LRRC18: variants seen among roughly 807,000 people sequenced by gnomAD.
LRRC18 encodes the protein leucine rich repeat containing 18.
LRRC18 carries 12 observed loss-of-function variants against 11.2 expected under a neutral mutation model. That is an observed-to-expected ratio of 1.07 (90% CI 0.69 to 1.74). The LOEUF (loss-of-function observed/expected upper bound fraction) is 1.74. Among genes scored for constraint, LRRC18 ranks in the 40% most tolerant of loss-of-function variants. LRRC18 has a pLI of 0.00. For synonymous variants in LRRC18, 155 were observed against 130.6 expected, an observed-to-expected ratio of 1.19 and a Z score of -1.27; for missense variants, 374 against 330.5, an observed-to-expected ratio of 1.13 and a Z score of -1.02.
the LRRC18 span, among the ~76,000 whole-genome samples, chr10:48,928,157 C>T: frequency 5.3e-4 from 81 of 152,288 alleles, 2 homozygotes; most frequent in African/African-American, 1.9e-3. Flanking sequence ...CTCAGAGAAG[C>T]GGCTTGGCAG....
upstream of LRRC18, among the ~76,000 whole-genome samples, chr10:48,918,379 A>G (rs1050946733): frequency 1.3e-5 from 2 of 152,192 alleles, no homozygotes; most frequent in Admixed American, 1.3e-4. Flanking sequence ...AACTAAAAGA[A>G]TGTAAAAAGA....
chr10:48,912,047 A>G (rs1838051707), intron 1 of LRRC18, among the ~76,000 whole-genome samples: 1 of 152,196 alleles, frequency 6.6e-6, no homozygotes, highest in African/African-American at 2.4e-5. Context: ...AACATAGGAA[A>G]GTCCTGGGGG....
chr10:48,922,736 C>T, the LRRC18 span, among the ~76,000 whole-genome samples: 78,453 of 151,982 alleles, frequency 0.52, 23,636 homozygotes, highest in East Asian at 1. Flanking sequence ...CGGATACATG[C>T]GACAACTTGG....
upstream of LRRC18, among the ~76,000 whole-genome samples, chr10:48,916,766 T>A (rs1305305403): frequency 6.6e-6 from 1 of 152,166 alleles, no homozygotes; most frequent in African/African-American, 2.4e-5. Context: ...CAGAGGTGAT[T>A]TCTTCATTGT....
upstream of LRRC18, among the ~76,000 whole-genome samples, chr10:48,915,207 G>A (rs557623150): frequency 1.7e-4 from 26 of 152,266 alleles, no homozygotes; most frequent in South Asian, 3.1e-3. Flanking sequence ...CTGGTACATA[G>A]TAATAGCTTG....
the LRRC18 span, among the ~76,000 whole-genome samples, chr10:48,925,439 G>C: frequency 6.6e-6 from 1 of 152,202 alleles, no homozygotes; most frequent in Non-Finnish European, 1.5e-5. Context: ...GGCATAGCTT[G>C]GAGAATTACC....
the LRRC18 span, among the ~76,000 whole-genome samples, chr10:48,930,728 T>A: frequency 1.3e-5 from 2 of 151,996 alleles, no homozygotes; most frequent in Admixed American, 6.6e-5. Flanking sequence ...TAACAATAGA[T>A]GAGTGATTAA....
Position 48,910,229 on chromosome 10 carries a change from C to T in LRRC18, c.*8G>A, listed in dbSNP as rs772643937. On this transcript the variant is annotated 3_prime_UTR_variant, in exon 2 of 2. Transcript: ENST00000374160. ...CTGAGTAGTCTTCAAGATTTTGCCA[C>T]AGCTACTCTAGGAAGATGTCAAGCG... 3 of 1,605,456 alleles carry T rather than the reference C, an allele frequency of 1.9e-6. No individual in the cohort carries two copies. In the South Asian group the frequency reaches 3.3e-5, roughly 18 times the overall value.
At chr10:48,929,548 G>A in the LRRC18 span, among the ~76,000 whole-genome samples, 1 of 152,146 alleles carries the variant, frequency 6.6e-6, no homozygotes. Context: ...CCTCTTCTCT[G>A]CCTATACTTA....
rs757698773 is a variant in LRRC18, at chr10:48,913,608, C to T, written c.548G>A (p.Gly183Asp). The T allele has an allele frequency of 3.7e-6, 6 of 1,613,998 alleles. 1 individual carries two copies. Among genetic ancestry groups the T allele is most frequent in the South Asian group, 3.3e-5 (3 of 91,082 alleles). ...GGAGTCTATGAATATTTCCGACTCA[C>T]CTGGCTTTGGAAAGGGGTTCCGCTT... Residue 183 changes from glycine (G) to aspartate (D), a missense_variant, in exon 1 of 2, where the codon GGT becomes GAT. Transcript: ENST00000374160.
At position 48,910,278 on chromosome 10, in the gene LRRC18, A is replaced by G; in HGVS notation, c.765-20T>C. 6.2e-7 allele frequency: 1 copy of G among 1,613,022 alleles called. No homozygotes were observed. Among genetic ancestry groups the G allele is most frequent in the Non-Finnish European group, 8.5e-7 (1 of 1,178,990 alleles). ...CGTATTCTGGGGATGGAGACACAAG[A>G]AGGTGAGGCAATTGCTCCAGGCCAC... On this transcript the variant is annotated intron_variant, in intron 1 of 1. Coordinates refer to ENST00000374160, the Ensembl canonical transcript of LRRC18.
chr10:48,915,504 G>A (rs1454450149), upstream of LRRC18, among the ~76,000 whole-genome samples: 1 of 152,102 alleles, frequency 6.6e-6, no homozygotes, highest in African/African-American at 2.4e-5. Context: ...TCCCTGCAGG[G>A]ATGGGCAGGG....
At chr10:48,913,276 G>T in intron 1 of LRRC18, 116 bp downstream of exon 3, 1 of 958,008 alleles carries the variant, frequency 1.0e-6, no homozygotes, top group Non-Finnish European at 1.6e-6. Flanking sequence ...TTATGGGCTT[G>T]GCTGAAAGAG....
the LRRC18 span, among the ~76,000 whole-genome samples, chr10:48,930,105 A>C: frequency 0.91 from 138,928 of 152,104 alleles, 64,414 homozygotes; most frequent in East Asian, 1. Flanking sequence ...GCCCTTGGTC[A>C]ATACTAGTTT....
the LRRC18 span, among the ~76,000 whole-genome samples, chr10:48,932,076 T>C: frequency 6.6e-6 from 1 of 152,258 alleles, no homozygotes; most frequent in Admixed American, 6.5e-5. Flanking sequence ...TTTAGTCTCA[T>C]AACACGCCTG....
exon 1 of LRRC18, chr10:48,913,962 A>T: frequency 6.2e-7 from 1 of 1,614,128 alleles, no homozygotes; most frequent in African/African-American, 1.3e-5. Context: ...GGAGTCAGGG[A>T]TCTTCCTGAT....
intron 1 of LRRC18, among the ~76,000 whole-genome samples, 158 bp from the exon 4 acceptor site, chr10:48,910,416 A>C (rs1352541946): frequency 1.3e-5 from 2 of 152,214 alleles, no homozygotes; most frequent in Non-Finnish European, 2.9e-5. Context: ...AGGAAAGAGA[A>C]CACCCAAGGC....
At chr10:48,921,637 G>C in the LRRC18 span, among the ~76,000 whole-genome samples, 2 of 152,034 alleles carry the variant, frequency 1.3e-5, no homozygotes, top group African/African-American at 2.4e-5. Context: ...GAAAAGACAA[G>C]CTACAGACTG....
upstream of LRRC18, among the ~76,000 whole-genome samples, chr10:48,919,145 A>C (rs1020133200): frequency 2.0e-5 from 3 of 152,218 alleles, no homozygotes; most frequent in African/African-American, 7.2e-5. Flanking sequence ...CTTTGAAAAG[A>C]TTAATGAAAC....
Sources: allele counts gnomAD v4.1 joint callset (sites outside exome capture counted in the v4.1 genomes callset), GRCh38; gene constraint gnomAD v4.1.1; transcripts MANE v1.5; gene names NCBI Gene and HGNC (gene_info 2026-07-23, HGNC 2026-07-21).